The following P2RX3 variants were observed in gnomAD, a reference collection of about 807,000 sequenced individuals.
P2RX3 encodes purinergic receptor P2X 3.
P2RX3 carries 41 observed loss-of-function variants against 51.5 expected under a neutral mutation model. The ratio of observed to expected loss-of-function variants is 0.80; its 90% CI spans 0.62 to 1.03. The LOEUF is 1.03. Among genes scored for constraint, P2RX3 ranks in the 50% least tolerant of loss-of-function variants. The pLI, the probability that P2RX3 is intolerant of heterozygous loss-of-function variation, is 0.00. For missense variants in P2RX3, 459 were observed against 522.1 expected (o/e 0.88, Z 1.18); for synonymous variants, 185 against 191.6 (o/e 0.97, Z 0.29).
chr11:57,361,747 A>G (rs547510265), intron 8 of P2RX3, among the ~76,000 whole-genome samples: 6 of 152,312 alleles, frequency 3.9e-5, no homozygotes, highest in African/African-American at 1.2e-4. Context: ...TGCTGCAATA[A>G]ACATGCATGC....
At chr11:57,343,472 C>T (rs1335027579) in intron 1 of P2RX3, among the ~76,000 whole-genome samples, 11 of 152,192 alleles carry the variant, frequency 7.2e-5, no homozygotes, top group South Asian at 2.1e-4. Context: ...GTCTGGAGCA[C>T]GTTGTCTGGT....
Position 57,368,031 on chromosome 11 carries a change from G to GA in P2RX3, c.869dup (p.Asn290LysfsTer4). 1.2e-6 allele frequency: 2 copies of GA among 1,614,176 alleles called. No homozygotes were observed. The highest frequency in any genetic ancestry group is 1.7e-6 in the Non-Finnish European group (2 of 1,180,034). ...CAGGTTTGCCAAGTACTACAAAATG[G>GA]AAAATGGCAGTGAGTACCGCACCCT... On this transcript the variant is annotated frameshift_variant, in exon 9 of 12. Transcript: ENST00000263314. LOFTEE classifies it high-confidence loss of function.
chr11:57,338,056 A>G (rs1258828275), upstream of P2RX3, among the ~76,000 whole-genome samples: 2 of 152,194 alleles, frequency 1.3e-5, no homozygotes, highest in Non-Finnish European at 2.9e-5. Flanking sequence ...TTTGGCAGAC[A>G]CTCAGGAATG....
intron 10 of P2RX3, among the ~76,000 whole-genome samples, chr11:57,368,793 C>T (rs1015577216): frequency 6.6e-6 from 1 of 152,168 alleles, no homozygotes; most frequent in African/African-American, 2.4e-5. Flanking sequence ...ATGGTGGGCA[C>T]ATAGCCTGCC....
intron 8 of P2RX3, among the ~76,000 whole-genome samples, chr11:57,364,852 A>G (rs1009149308): frequency 1.3e-5 from 2 of 151,946 alleles, no homozygotes; most frequent in East Asian, 3.9e-4. Flanking sequence ...AAGTGGTTGC[A>G]CTTCTTTCTG....
intron 6 of P2RX3, 91 bp from the exon 7 acceptor site, chr11:57,349,666 C>T (rs142160127): frequency 5.9e-6 from 9 of 1,531,386 alleles, no homozygotes; most frequent in Non-Finnish European, 8.1e-6. Context: ...TCAGATCCCC[C>T]CTAGGCCTGG....
At position 57,344,478 on chromosome 11, in the gene P2RX3, C is replaced by T. The variant is rs537963313; in HGVS notation, c.120-2066C>T. Among the ~76,000 whole-genome samples the T allele has an allele frequency of 1.1e-4, 16 of 152,260 alleles. No individual in the cohort carries two copies. In the South Asian group the frequency reaches 3.3e-3, roughly 32 times the overall value. On this transcript the variant is annotated intron_variant, in intron 1 of 11. Transcript: ENST00000263314. Reference sequence around the variant, plus strand: ...CTTTGGGAGGCCAAGGCAGGCAGATCACTTGAGGCCAGGAGTTTGAGACCA... The same window carrying T: ...CTTTGGGAGGCCAAGGCAGGCAGATTACTTGAGGCCAGGAGTTTGAGACCA...
chr11:57,345,113 C>T (rs1173857889), intron 1 of P2RX3, among the ~76,000 whole-genome samples: 1 of 152,244 alleles, frequency 6.6e-6, no homozygotes, highest in East Asian at 1.9e-4. Flanking sequence ...CCTCGCCCAC[C>T]TCCTTATAGA....
chr11:57,365,426 T>A (rs1190280624), intron 8 of P2RX3, among the ~76,000 whole-genome samples: 1 of 152,164 alleles, frequency 6.6e-6, no homozygotes, highest in African/African-American at 2.4e-5. Context: ...GCCTCTCTTT[T>A]TCCCTGCCCT....
upstream of P2RX3, among the ~76,000 whole-genome samples, chr11:57,336,860 C>CTCA (rs1354339030): frequency 3.3e-5 from 5 of 152,240 alleles, no homozygotes; most frequent in African/African-American, 7.2e-5. Context: ...CTCCCCTGAA[C>CTCA]TCATAGCTTT....
At position 57,370,981 on chromosome 11, in the gene P2RX3, T is replaced by C. The variant is rs1216526115; in HGVS notation, c.*984T>C. Among the ~76,000 whole-genome samples the C allele has an allele frequency of 6.6e-6, 1 of 152,220 alleles. No individual in the cohort carries two copies. Among genetic ancestry groups the C allele is most frequent in the Non-Finnish European group, 1.5e-5 (1 of 68,038 alleles). ...GCTGGGTTGGCCAGGCCTGTCCCCA[T>C]AGGGTCTTAATAAGGTGCCCCATTT... is the stretch of plus-strand genomic sequence containing the variant. On this transcript the variant is annotated 3_prime_UTR_variant, in exon 12 of 12. Transcript: ENST00000263314.
intron 8 of P2RX3, among the ~76,000 whole-genome samples, chr11:57,358,412 A>T (rs1856663649): frequency 6.6e-6 from 1 of 152,236 alleles, no homozygotes; most frequent in Non-Finnish European, 1.5e-5. Context: ...TAATATAGTG[A>T]TGATAAATTT....
chr11:57,368,002 C>G lies in P2RX3; in HGVS notation c.843-7C>G, dbSNP rs1319406655. 1 of 1,612,856 alleles carries G rather than the reference C, an allele frequency of 6.2e-7. No homozygotes were observed. Among genetic ancestry groups the G allele is most frequent in the Non-Finnish European group, 8.5e-7 (1 of 1,178,906 alleles). The stretch of plus-strand genomic sequence containing the variant: ...CAGAGGGACCCATCTCTGCCTCTGA[C>G]CTCCAGGTTTGCCAAGTACTACAAA... On this transcript the variant is annotated splice_polypyrimidine_tract_variant and splice_region_variant and intron_variant, in intron 8 of 11. Coordinates refer to ENST00000263314, the MANE Select transcript of P2RX3 (RefSeq NM_002559.5).
rs200877601 is a variant in P2RX3 at position 57,368,417 on chromosome 11, G to A, written c.982G>A (p.Ala328Thr). 16 of 1,614,134 alleles carry A rather than the reference G, an allele frequency of 9.9e-6. No individual in the cohort carries two copies. Among genetic ancestry groups the A allele is most frequent in the South Asian group, 2.2e-5 (2 of 91,080 alleles). Reference protein sequence around the residue: ...IIPTIISSVAAFTSVGVGTVL... With the variant: ...IIPTIISSVATFTSVGVGTVL... ...CCCCACCATCATCAGCTCTGTGGCG[G>A]CCTTTACTTCTGTGGGAGTGGTGAG... Residue 328 changes from alanine (A) to threonine (T), a missense_variant, in exon 10 of 12, where the codon GCC (alanine) becomes ACC (threonine). By Grantham distance (58) the Ala-to-Thr change is moderately conservative. Coordinates refer to ENST00000263314, the MANE Select transcript of P2RX3 (RefSeq NM_002559.5).
At position 57,369,879 on chromosome 11, in the gene P2RX3, T is replaced by C. The variant is rs137869992; in HGVS notation, c.1081-5T>C. On this transcript the variant is annotated splice_region_variant and splice_polypyrimidine_tract_variant and intron_variant, in intron 11 of 11. Coordinates refer to ENST00000263314, the MANE Select transcript of P2RX3 (RefSeq NM_002559.5). ...ACTTGACAACACCAGCTCTTTCGCC[T>C]GCAGGTGAATGAGACTACGCTGAAA... 7,454 of 1,599,050 alleles carry C rather than the reference T, an allele frequency of 4.7e-3. 21 individuals carry two copies. The highest frequency in any genetic ancestry group is 5.5e-3 in the Non-Finnish European group (6,425 of 1,166,684).
chr11:57,357,153 T>A lies in P2RX3; in HGVS notation c.842+6255T>A, dbSNP rs189574120. On this transcript the variant is annotated intron_variant, in intron 8 of 11. Transcript: ENST00000263314. ...CCAACATAATGAAACCCTGTCTCTA[T>A]TAAAAATTTTTTTAAAAATCAGCCA... 1.9e-3 allele frequency among the ~76,000 whole-genome samples: 290 copies of A among 152,116 alleles called. 9 individuals carry two copies. The highest frequency in any genetic ancestry group is 0.016 in the Admixed American group (238 of 15,276).
At chr11:57,364,296 G>A (rs533286048) in intron 8 of P2RX3, among the ~76,000 whole-genome samples, 58 of 152,308 alleles carry the variant, frequency 3.8e-4, no homozygotes, top group Non-Finnish European at 6.9e-4. Flanking sequence ...TTGCACAAGG[G>A]CTGCGTTATC....
chr11:57,359,904 A>T (rs1182717968), intron 8 of P2RX3, among the ~76,000 whole-genome samples: 1 of 152,160 alleles, frequency 6.6e-6, no homozygotes, highest in East Asian at 1.9e-4. Flanking sequence ...GCTAGGTACT[A>T]TGTTCAGCCT....
chr11:57,365,146 G>A (rs114885515), intron 8 of P2RX3, among the ~76,000 whole-genome samples: 1,677 of 152,314 alleles, frequency 0.011, 35 homozygotes, highest in African/African-American at 0.038. Context: ...AAGCTCTCTA[G>A]GACTGAGCTT....
Sources: allele counts gnomAD v4.1 joint callset (sites outside exome capture counted in the v4.1 genomes callset), GRCh38; gene constraint gnomAD v4.1.1; transcripts MANE v1.5; gene names NCBI Gene and HGNC (gene_info 2026-07-23, HGNC 2026-07-21).